LRBA: variants seen among roughly 807,000 people sequenced by gnomAD.
LRBA encodes LPS responsive beige-like anchor protein, also known as lipopolysaccharide-responsive and beige-like anchor protein.
A neutral mutation model predicts 330.0 loss-of-function variants in LRBA; 176 were observed. The ratio of observed to expected loss-of-function variants is 0.53; its 90% CI spans 0.47 to 0.60. LRBA has a LOEUF of 0.60. Among genes scored for constraint, LRBA ranks in the 20% least tolerant of loss-of-function variants. The probability of loss-of-function intolerance (pLI) is 0.00; values close to 1 mark genes in which losing one functional copy is unlikely to be tolerated. For synonymous variants in LRBA, 1,230 were observed against 1,193.0 expected (o/e 1.03, Z -0.64); for missense variants, 3,259 against 3,444.8 (o/e 0.95, Z 1.35).
intron 37 of LRBA, among the ~76,000 whole-genome samples, chr4:150,678,230 G>A (rs1385966308): frequency 6.8e-6 from 1 of 147,790 alleles, no homozygotes; most frequent in African/African-American, 2.5e-5. Flanking sequence ...GACAGAGTGA[G>A]ACTCTGTCTC....
At chr4:150,595,973 C>G (rs1404390984) in intron 38 of LRBA, among the ~76,000 whole-genome samples, 3 of 151,850 alleles carry the variant, frequency 2.0e-5, no homozygotes, top group African/African-American at 7.2e-5. Context: ...ATAAAATGCC[C>G]AGCTTTGCTT....
At chr4:151,007,188 G>A (rs1744170122) in intron 2 of LRBA, among the ~76,000 whole-genome samples, 1 of 152,174 alleles carries the variant, frequency 6.6e-6, no homozygotes, top group South Asian at 2.1e-4. Context: ...AATTCAATGG[G>A]AAAAGAATAG....
intron 47 of LRBA, among the ~76,000 whole-genome samples, chr4:150,350,631 G>T (rs6843645): frequency 0.89 from 134,175 of 151,532 alleles, 59,913 homozygotes; most frequent in Non-Finnish European, 0.94. Flanking sequence ...TGTCCTCCTT[G>T]GTTTATAATT....
intron 47 of LRBA, among the ~76,000 whole-genome samples, chr4:150,364,320 T>C (rs537896360): frequency 6.6e-6 from 1 of 152,344 alleles, no homozygotes; most frequent in East Asian, 1.9e-4. Flanking sequence ...ATGTTTTACA[T>C]GGACTATTTT....
At chr4:150,527,041 A>G (rs1301288381) in intron 40 of LRBA, among the ~76,000 whole-genome samples, 1 of 148,764 alleles carries the variant, frequency 6.7e-6, no homozygotes, top group Admixed American at 6.7e-5. Flanking sequence ...AAACTGGGTT[A>G]TTTAATCTAT....
intron 36 of LRBA, among the ~76,000 whole-genome samples, chr4:150,727,048 A>T (rs1729778245): frequency 7.3e-6 from 1 of 137,278 alleles, no homozygotes. Context: ...ATCTAAAGTT[A>T]TTTACAGAAC....
At chr4:150,742,111 G>A (rs1050163225) in intron 35 of LRBA, among the ~76,000 whole-genome samples, 35 of 149,978 alleles carry the variant, frequency 2.3e-4, no homozygotes, top group African/African-American at 7.3e-4. Flanking sequence ...AGCGGGCAGG[G>A]ATAGAATTAT....
At chr4:150,660,493 C>G (rs1203002584) in intron 37 of LRBA, among the ~76,000 whole-genome samples, 51 of 149,230 alleles carry the variant, frequency 3.4e-4, no homozygotes, top group African/African-American at 1.3e-3. Context: ...GGGGTCAGCC[C>G]CCCCCGCCCG....
intron 47 of LRBA, among the ~76,000 whole-genome samples, chr4:150,391,070 A>G (rs1018448665): frequency 1.2e-4 from 18 of 152,288 alleles, no homozygotes; most frequent in African/African-American, 1.9e-4. Flanking sequence ...GACATTTTAG[A>G]AAGCAGAATG....
chr4:150,297,730 G>A (rs895256309), intron 53 of LRBA, among the ~76,000 whole-genome samples: 3 of 152,110 alleles, frequency 2.0e-5, no homozygotes, highest in Non-Finnish European at 4.4e-5. Context: ...CTTCCTCAAC[G>A]GTAACTTATT....
chr4:150,510,950 G>A (rs895095969), intron 40 of LRBA, among the ~76,000 whole-genome samples: 3 of 152,048 alleles, frequency 2.0e-5, no homozygotes, highest in Non-Finnish European at 4.4e-5. Flanking sequence ...CCGCCTCCCG[G>A]GTTCAAGCGA....
intron 2 of LRBA, among the ~76,000 whole-genome samples, chr4:150,951,250 A>G (rs1240382958): frequency 4.6e-5 from 7 of 152,212 alleles, no homozygotes; most frequent in Non-Finnish European, 1.0e-4. Context: ...AATTCCAAAA[A>G]AAGAAGGAAC....
chr4:150,614,525 G>A (rs1454126970), intron 37 of LRBA, among the ~76,000 whole-genome samples: 1 of 152,096 alleles, frequency 6.6e-6, no homozygotes, highest in African/African-American at 2.4e-5. Flanking sequence ...TATGATACAA[G>A]GTAGGCAATA....
At chr4:150,817,949 C>G (rs941976080) in intron 30 of LRBA, among the ~76,000 whole-genome samples, 7 of 152,010 alleles carry the variant, frequency 4.6e-5, no homozygotes, top group Non-Finnish European at 1.0e-4. Context: ...CATGCAAAAA[C>G]TCAGTTAATG....
intron 44 of LRBA, among the ~76,000 whole-genome samples, chr4:150,448,905 T>C (rs998635601): frequency 1.3e-5 from 2 of 150,708 alleles, no homozygotes; most frequent in African/African-American, 4.9e-5. Flanking sequence ...AATAGATCAA[T>C]GTAGAAACAC....
intron 47 of LRBA, among the ~76,000 whole-genome samples, chr4:150,399,742 G>A (rs1745216516): frequency 6.6e-6 from 1 of 152,098 alleles, no homozygotes; most frequent in African/African-American, 2.4e-5. Context: ...ACTTTGGGTG[G>A]GATTACAGCA....
intron 40 of LRBA, chr4:150,581,155 C>T (rs1259659567): frequency 1.0e-5 from 2 of 199,254 alleles, no homozygotes; most frequent in Non-Finnish European, 2.1e-5. Flanking sequence ...TATTTTCTCT[C>T]TCGTAACTAG....
intron 47 of LRBA, among the ~76,000 whole-genome samples, chr4:150,395,530 G>T (rs1248808912): frequency 3.3e-5 from 5 of 151,840 alleles, no homozygotes; most frequent in Admixed American, 6.6e-5. Flanking sequence ...TTCTTTCCTA[G>T]CTTGAGTCCG....
chr4:150,421,056 A>T (rs1368822810), intron 46 of LRBA, among the ~76,000 whole-genome samples: 3 of 39,942 alleles, frequency 7.5e-5, no homozygotes, highest in African/African-American at 3.8e-4. Context: ...ATACATTATA[A>T]TATATATAAA....
Sources: allele counts gnomAD v4.1 joint callset (sites outside exome capture counted in the v4.1 genomes callset), GRCh38; gene constraint gnomAD v4.1.1; transcripts MANE v1.5; gene names NCBI Gene and HGNC (gene_info 2026-07-23, HGNC 2026-07-21).